Variants in SHANK2 observed in about 807,000 individuals in gnomAD.
SHANK2 encodes SH3 and multiple ankyrin repeat domains protein 2.
Under a neutral mutation model 133.7 loss-of-function variants are expected in SHANK2, and 43 were observed. That is an observed-to-expected ratio of 0.32 (90% CI 0.25 to 0.41). The LOEUF is 0.41. SHANK2 is among the 10% of genes least tolerant of loss of function. The pLI is 1.00. For synonymous variants in SHANK2, 1,017 were observed against 952.8 expected (o/e 1.07, Z -1.24); for missense variants, 1,994 against 2,235.8 (o/e 0.89, Z 2.18).
intron 17 of SHANK2, among the ~76,000 whole-genome samples, chr11:70,531,974 C>T (rs2059479880): frequency 6.6e-6 from 1 of 152,172 alleles, no homozygotes; most frequent in African/African-American, 2.4e-5. Context: ...AGTGACAGTT[C>T]TGGGATATAT....
At chr11:71,217,482 C>T (rs1195768823) in intron 2 of SHANK2, among the ~76,000 whole-genome samples, 3 of 151,410 alleles carry the variant, frequency 2.0e-5, no homozygotes, top group African/African-American at 7.3e-5. Flanking sequence ...CCAGCCTGGG[C>T]AACAGAGCAA....
At chr11:70,943,952 C>T (rs1201600409) in intron 10 of SHANK2, 1 of 456,556 alleles carries the variant, frequency 2.2e-6, no homozygotes, top group Admixed American at 2.4e-5. Flanking sequence ...TGTTGACTTC[C>T]TGCCAGGGAA....
chr11:71,113,214 C>A, intron 5 of SHANK2, 79 bp downstream of exon 5: 1 of 1,261,132 alleles, frequency 7.9e-7, no homozygotes, highest in East Asian at 2.5e-5. Flanking sequence ...GGAAGAGGAG[C>A]GTCTAAAGAT....
chr11:70,547,934 A>C (rs1409038450), intron 17 of SHANK2, among the ~76,000 whole-genome samples: 2 of 152,222 alleles, frequency 1.3e-5, no homozygotes, highest in Non-Finnish European at 2.9e-5. Context: ...CAGCTCACTG[A>C]GTTTGAACTA....
rs983135373 is a variant in SHANK2 at position 70,807,837 on chromosome 11, A to T, written c.1494-666T>A. 2.3e-4 allele frequency among the ~76,000 whole-genome samples: 35 copies of T among 152,086 alleles called. No individual in the cohort carries two copies. Among genetic ancestry groups the T allele is most frequent in the African/African-American group, 8.0e-4 (33 of 41,492 alleles). On this transcript the variant is annotated intron_variant, in intron 12 of 25. Coordinates refer to ENST00000601538, the MANE Select transcript of SHANK2 (RefSeq NM_012309.5). This position sits in a 1 kb window ranked among gnomAD's most constrained non-coding sequence, Gnocchi z 4.8. ...AGAGTGAGACTCTGTCTCCAAAAAA[A>T]AAAAGTAAACTGTGACACAGGCTAC...
intron 17 of SHANK2, among the ~76,000 whole-genome samples, chr11:70,514,773 TTAAA>T (rs1410068614): frequency 1.3e-5 from 2 of 152,110 alleles, no homozygotes; most frequent in Non-Finnish European, 2.9e-5. Context: ...CTAAGAATAG[TTAAA>T]TAATCTAAAA....
intron 1 of SHANK2, among the ~76,000 whole-genome samples, chr11:71,236,232 C>T (rs1334211512): frequency 6.6e-6 from 1 of 152,202 alleles, no homozygotes; most frequent in Non-Finnish European, 1.5e-5. Flanking sequence ...ACACACCATG[C>T]AAAATTATTC....
intron 17 of SHANK2, among the ~76,000 whole-genome samples, chr11:70,622,985 T>C (rs2060851693): frequency 6.6e-6 from 1 of 152,122 alleles, no homozygotes; most frequent in Non-Finnish European, 1.5e-5. Flanking sequence ...GAGACCAGCC[T>C]GACCAACATG....
intron 5 of SHANK2, among the ~76,000 whole-genome samples, chr11:71,112,993 CG>C (rs1469745255): frequency 2.6e-5 from 4 of 152,214 alleles, no homozygotes; most frequent in Non-Finnish European, 1.5e-5. Context: ...CCACGCCAGG[CG>C]TCCAGATCCC....
intron 9 of SHANK2, among the ~76,000 whole-genome samples, chr11:71,058,960 A>T (rs1661427723): frequency 6.6e-6 from 1 of 152,234 alleles, no homozygotes; most frequent in South Asian, 2.1e-4. Flanking sequence ...CACGTCTGTA[A>T]TCCCAGCACT....
At chr11:70,590,349 G>T (rs2060305575) in intron 17 of SHANK2, among the ~76,000 whole-genome samples, 1 of 152,214 alleles carries the variant, frequency 6.6e-6, no homozygotes, top group South Asian at 2.1e-4. Flanking sequence ...ACAAAGGATT[G>T]AGAATATTCC....
chr11:70,945,163 C>A (rs183800005), intron 10 of SHANK2, among the ~76,000 whole-genome samples: 7 of 152,044 alleles, frequency 4.6e-5, no homozygotes, highest in Admixed American at 2.0e-4. Context: ...TGTGTATGGG[C>A]GGCTCTTGTC....
intron 11 of SHANK2, among the ~76,000 whole-genome samples, chr11:70,840,808 G>C (rs1555061474): frequency 6.6e-6 from 1 of 152,104 alleles, no homozygotes; most frequent in African/African-American, 2.4e-5. Context: ...ACTGCAGTGG[G>C]GGTTCTCATG....
intron 17 of SHANK2, among the ~76,000 whole-genome samples, chr11:70,550,720 C>G (rs1554977734): frequency 1.3e-5 from 2 of 152,228 alleles, no homozygotes; most frequent in African/African-American, 4.8e-5. Flanking sequence ...GGGGGTATAC[C>G]CTGTAGGCTC....
At chr11:70,502,752 CCA>C (rs1491516504) in intron 18 of SHANK2, 42 bp downstream of exon 18, 4 of 1,345,258 alleles carry the variant, frequency 3.0e-6, no homozygotes, top group African/African-American at 3.0e-5. Context: ...CCCCCCCCCC[CCA>C]GTAGGGCCCC....
intron 2 of SHANK2, among the ~76,000 whole-genome samples, chr11:71,147,854 G>A (rs1188682330): frequency 6.6e-5 from 10 of 152,202 alleles, no homozygotes; most frequent in African/African-American, 1.4e-4. Context: ...GATAGGTACC[G>A]TGTAAAAACA....
At chr11:70,869,589 G>A (rs782373704) in intron 11 of SHANK2, among the ~76,000 whole-genome samples, 36 of 152,156 alleles carry the variant, frequency 2.4e-4, no homozygotes, top group Non-Finnish European at 4.0e-4. Flanking sequence ...AGCCAGGCTC[G>A]GGTATGGAGC....
chr11:70,669,319 A>T (rs534891119), intron 15 of SHANK2: 1 of 152,386 alleles, frequency 6.6e-6, no homozygotes, highest in Admixed American at 6.5e-5. Context: ...CCAAGGTCAG[A>T]GTGGGGCTGA....
intron 8 of SHANK2, among the ~76,000 whole-genome samples, chr11:71,087,405 A>G (rs912699606): frequency 2.0e-5 from 3 of 152,192 alleles, no homozygotes; most frequent in African/African-American, 7.2e-5. Context: ...CACAGGGGCT[A>G]TTCTGGCAAA....
Sources: gnomAD v4.1 joint callset for allele counts (sites outside exome capture counted in the v4.1 genomes callset) on GRCh38, gnomAD v4.1.1 for gene constraint, Gnocchi (gnomAD v3.1) non-coding constraint, MANE v1.5 for transcripts, NCBI Gene and HGNC (gene_info 2026-07-23, HGNC 2026-07-21) for gene names.